Variants in SNX2 observed in about 807,000 individuals in gnomAD.
SNX2 encodes sorting nexin-2.
A neutral mutation model predicts 69.9 loss-of-function variants in SNX2; 25 were observed. The observed-to-expected ratio is 0.36, with a 90% CI of 0.26 to 0.50. The LOEUF (loss-of-function observed/expected upper bound fraction) is 0.50, where lower values mean the gene tolerates loss of function less well. SNX2 is among the 20% of genes least tolerant of loss of function. SNX2 has a pLI of 0.97. For synonymous variants in SNX2, 229 were observed against 200.4 expected (o/e 1.14, Z -1.20); for missense variants, 551 against 613.3 (o/e 0.90, Z 1.07).
intron 1 of SNX2, among the ~76,000 whole-genome samples, chr5:122,776,135 C>A (rs1471020931): frequency 6.6e-6 from 1 of 152,134 alleles, no homozygotes; most frequent in Admixed American, 6.5e-5. Context: ...TGAAATTTCC[C>A]AGAGGATTGT....
intron 3 of SNX2, among the ~76,000 whole-genome samples, 186 bp from the exon 4 acceptor site, chr5:122,801,683 G>A (rs1041362758): frequency 6.6e-6 from 1 of 150,940 alleles, no homozygotes; most frequent in African/African-American, 2.4e-5. Context: ...GTGTGTGTGT[G>A]TGTGTGTTTT....
Position 122,803,382 on chromosome 5 carries a change from A to G in SNX2, c.502-90A>G, listed in dbSNP as rs573073599. The G allele has an allele frequency of 5.1e-4, 634 of 1,247,550 alleles. 1 individual carries two copies. The highest frequency in any genetic ancestry group is 6.7e-4 in the Non-Finnish European group (609 of 909,444). 77.3% of individuals were successfully genotyped at this position (1,247,550 alleles called of 1,614,324 possible). ...CTCTGCATTCTTTTGCAAAGTAGAT[A>G]CATGTATGTGTTCACAATTATGTAT... On this transcript the variant is annotated intron_variant, in intron 5 of 14. Transcript: ENST00000379516.
rs2150018810 is a variant in SNX2, at chr5:122,827,655, T to G, written c.1509+9T>G. 2 of 1,595,448 alleles carry G rather than the reference T, an allele frequency of 1.3e-6. No individual in the cohort carries two copies. Among genetic ancestry groups the G allele is most frequent in the East Asian group, 2.2e-5 (1 of 44,704 alleles). ...TTCAAACACAACAACAGGTAAGCCA[T>G]TTTTGTTTATAACTTAAACTTCTAG... On this transcript the variant is annotated intron_variant, in intron 14 of 14. Coordinates refer to ENST00000379516, the MANE Select transcript of SNX2 (RefSeq NM_003100.4).
intron 2 of SNX2, among the ~76,000 whole-genome samples, chr5:122,797,267 A>G (rs895060681): frequency 5.9e-5 from 9 of 152,186 alleles, no homozygotes; most frequent in African/African-American, 2.2e-4. Flanking sequence ...CTAGCAGTCT[A>G]TACTAAATTC....
In SNX2 at chr5:122,806,142, G is replaced by GCGCACGCGCGCGCACACACACACACACA; in HGVS notation, c.644-2134_644-2133insGCACGCGCGCGCACACACACACACACAC. On this transcript the variant is annotated intron_variant, in intron 6 of 14. Coordinates refer to ENST00000379516, the MANE Select transcript of SNX2 (RefSeq NM_003100.4). ...TGTGTATATATATACACACGCGCGC[G>GCGCACGCGCGCGCACACACACACACACA]CACACACACACACACACACACACAC... Among the ~76,000 whole-genome samples, 208 of 130,624 alleles carry GCGCACGCGCGCGCACACACACACACACA rather than the reference G, an allele frequency of 1.6e-3. 1 individual carries two copies. The highest frequency in any genetic ancestry group is 2.4e-3 in the Non-Finnish European group (147 of 60,996). The allele number at this position is 130,624 out of a possible 152,430, so 85.7% of individuals were successfully genotyped here.
rs951085041 is a variant in SNX2 at position 122,789,456 on chromosome 5, C to CACAA, written c.109-5807_109-5806insAACA. Among the ~76,000 whole-genome samples, 3 of 105,500 alleles carry CACAA rather than the reference C, an allele frequency of 2.8e-5. No individual in the cohort carries two copies. The Admixed American group carries it at 3.3e-4, about 12-fold the overall frequency. The allele number at this position is 105,500 out of a possible 152,430, so 69.2% of individuals were successfully genotyped here. ...ACACACACACATACACACACACACA[C>CACAA]ACACACAGACACACACGGACACACA... On this transcript the variant is annotated intron_variant, in intron 1 of 14. Transcript: ENST00000379516.
chr5:122,810,374 C>T (rs1342713408), intron 7 of SNX2, among the ~76,000 whole-genome samples: 2 of 126,104 alleles, frequency 1.6e-5, no homozygotes, highest in East Asian at 2.2e-4. Flanking sequence ...TCCCCCTCTG[C>T]GAGAAACACC....
chr5:122,826,827 T>A (rs1754159758), intron 12 of SNX2, among the ~76,000 whole-genome samples: 2 of 152,018 alleles, frequency 1.3e-5, no homozygotes, highest in Admixed American at 6.5e-5. Flanking sequence ...AATTTAATAT[T>A]TATTGATGGT....
chr5:122,803,649 C>A, intron 6 of SNX2, 36 bp downstream of exon 6: 1 of 1,533,658 alleles, frequency 6.5e-7, no homozygotes, highest in Admixed American at 1.9e-5. Flanking sequence ...ATTTTTGTTA[C>A]TGTTACTAGT....
At chr5:122,791,119 A>ATTTT (rs71623268) in intron 1 of SNX2, among the ~76,000 whole-genome samples, 11 of 131,698 alleles carry the variant, frequency 8.4e-5, no homozygotes, top group Non-Finnish European at 9.5e-5. Flanking sequence ...GGCTATTTCA[A>ATTTT]TTTTTTTTTT....
intron 1 of SNX2, chr5:122,775,495 T>G (rs1581619142): frequency 9.0e-7 from 1 of 1,110,336 alleles, no homozygotes; most frequent in Non-Finnish European, 1.1e-6. Flanking sequence ...TCAGCTGGCC[T>G]TCCTCGGTGT....
In SNX2 at chr5:122,775,229, C is replaced by T; in HGVS notation, c.108+18C>T. Reference sequence around the variant, plus strand: ...CCCTAGAGGTGAGACCGCGTCGCTGCGGGTGCTGCGCTGCGTAGCTGCCGC... The same window carrying T: ...CCCTAGAGGTGAGACCGCGTCGCTGTGGGTGCTGCGCTGCGTAGCTGCCGC... On this transcript the variant is annotated intron_variant, in intron 1 of 14. Coordinates refer to ENST00000379516, the MANE Select transcript of SNX2 (RefSeq NM_003100.4). The T allele has an allele frequency of 1.3e-6, 2 of 1,543,970 alleles. No individual in the cohort carries two copies. The highest frequency in any genetic ancestry group is 8.8e-7 in the Non-Finnish European group (1 of 1,142,470).
At chr5:122,798,579 C>G (rs1753438121) in intron 2 of SNX2, among the ~76,000 whole-genome samples, 1 of 152,172 alleles carries the variant, frequency 6.6e-6, no homozygotes, top group Admixed American at 6.5e-5. Context: ...ATCTAAGGAC[C>G]TCAGGTTAGA....
rs114745230 is a variant in SNX2, at chr5:122,788,278, C to T, written c.109-6988C>T. On this transcript the variant is annotated intron_variant, in intron 1 of 14. Transcript: ENST00000379516. ...GAATTGGTATTCCCCTGTAAAAATA[C>T]GTTGTTTTTCTCTAGCTGCTTATAT... Among the ~76,000 whole-genome samples, 201 of 152,244 alleles carry T rather than the reference C, an allele frequency of 1.3e-3. 1 individual carries two copies. The highest frequency in any genetic ancestry group is 4.2e-3 in the African/African-American group (173 of 41,546).
chr5:122,811,474 G>C (rs1753774315), intron 7 of SNX2, among the ~76,000 whole-genome samples: 5 of 152,110 alleles, frequency 3.3e-5, no homozygotes, highest in Admixed American at 3.3e-4. Flanking sequence ...GTTGAAACCT[G>C]TGCTAATACT....
chr5:122,823,624 A>C (rs1265595654), intron 11 of SNX2, among the ~76,000 whole-genome samples: 2 of 152,160 alleles, frequency 1.3e-5, no homozygotes, highest in African/African-American at 2.4e-5. Context: ...TGAACAGAGG[A>C]ATTTATAAAT....
intron 6 of SNX2, 200 bp downstream of exon 6, chr5:122,803,813 G>A: frequency 2.1e-6 from 1 of 481,204 alleles, no homozygotes; most frequent in South Asian, 3.9e-5. Flanking sequence ...TAACACTTGA[G>A]GATTTTTGTT....
At chr5:122,802,157 A>G (rs1753531384) in intron 5 of SNX2, 33 bp downstream of exon 5, 2 of 1,578,580 alleles carry the variant, frequency 1.3e-6, no homozygotes, top group Non-Finnish European at 1.7e-6. Flanking sequence ...AAAACTATCG[A>G]GCCCTCATTA....
At chr5:122,794,694 A>G (rs914485127) in intron 1 of SNX2, among the ~76,000 whole-genome samples, 2 of 152,182 alleles carry the variant, frequency 1.3e-5, no homozygotes, top group Admixed American at 1.3e-4. Context: ...ATAACTCAGT[A>G]TGACAAACTA....
Sources: allele counts gnomAD v4.1 joint callset (sites outside exome capture counted in the v4.1 genomes callset), GRCh38; gene constraint gnomAD v4.1.1; transcripts MANE v1.5; gene names NCBI Gene and HGNC (gene_info 2026-07-23, HGNC 2026-07-21).